The following SLCO3A1 variants were observed in gnomAD, a reference collection of about 807,000 sequenced individuals.
SLCO3A1 encodes PGE1 transporter.
Under a neutral mutation model 63.1 loss-of-function variants are expected in SLCO3A1, and 27 were observed. The observed-to-expected ratio is 0.43, with a 90% CI of 0.32 to 0.59. The LOEUF (loss-of-function observed/expected upper bound fraction) is 0.59. Ranked by LOEUF, SLCO3A1 falls within the 20% of genes least tolerant of loss-of-function variation. The probability of loss-of-function intolerance (pLI) is 0.09; values close to 1 mark genes in which losing one functional copy is unlikely to be tolerated. For synonymous variants in SLCO3A1, 473 were observed against 409.9 expected (o/e 1.15, Z -1.86); for missense variants, 773 against 945.8 (o/e 0.82, Z 2.40).
At chr15:92,063,409 A>G (rs1287032508) in intron 2 of SLCO3A1, among the ~76,000 whole-genome samples, 1 of 152,166 alleles carries the variant, frequency 6.6e-6, no homozygotes, top group African/African-American at 2.4e-5. Context: ...CCTGTTAGCC[A>G]AGTGACCTGG....
At position 92,126,070 on chromosome 15, in the gene SLCO3A1, C is replaced by A. The variant is rs775241468; in HGVS notation, c.1184C>A (p.Ala395Glu). ...SSANQLLGMT[A>E]IPCACLGIFL... The stretch of plus-strand genomic sequence containing the variant: ...TCTATTTTCCTTCCAGGGATGACTG[C>A]GATCCCGTGTGCTTGTCTGGGTATC... Residue 395 changes from alanine to glutamate, a missense_variant, in exon 6 of 10, where the codon GCG (alanine) becomes GAG (glutamate). Around this residue, in one of 3 missense-constraint regions of SLCO3A1, gnomAD observed 565 missense variants for 749.8 expected, o/e 0.75. Coordinates refer to ENST00000318445, the MANE Select transcript of SLCO3A1 (RefSeq NM_013272.4). The A allele has an allele frequency of 6.2e-7, 1 of 1,613,714 alleles. No homozygotes were observed.
At chr15:92,154,504 G>A (rs924084003) in intron 9 of SLCO3A1, among the ~76,000 whole-genome samples, 2 of 152,202 alleles carry the variant, frequency 1.3e-5, no homozygotes, top group African/African-American at 2.4e-5. Context: ...GCCAGTGTCT[G>A]CCATACTGGA....
chr15:92,147,141 C>T lies in SLCO3A1; in HGVS notation c.1670C>T (p.Ser557Leu). The T allele has an allele frequency of 6.2e-7, 1 of 1,612,430 alleles. No homozygotes were observed. ...ATCGGTGCCATGGCACAGACACCCTCAGTCATCATCCTCATCAGGTAAGCC... is the reference window on the plus strand; with the variant it reads ...ATCGGTGCCATGGCACAGACACCCTTAGTCATCATCCTCATCAGGTAAGCC... ...SLIGAMAQTP[S>L]VIILIRTVSP... is the part of the protein sequence containing the mutation. Residue 557 changes from serine to leucine, a missense_variant, in exon 8 of 10, where the codon TCA becomes TTA. Coordinates refer to ENST00000318445, the MANE Select transcript of SLCO3A1 (RefSeq NM_013272.4).
chr15:92,089,381 C>A (rs1403093211), intron 2 of SLCO3A1, among the ~76,000 whole-genome samples: 1 of 152,144 alleles, frequency 6.6e-6, no homozygotes, highest in African/African-American at 2.4e-5. Context: ...GTGGAGGACT[C>A]GGTGCAGGGT....
At chr15:92,083,522 C>T (rs2047371221) in intron 2 of SLCO3A1, among the ~76,000 whole-genome samples, 1 of 152,226 alleles carries the variant, frequency 6.6e-6, no homozygotes, top group Non-Finnish European at 1.5e-5. Context: ...CTGGTCCTTG[C>T]AGTTCCGTTC....
chr15:92,072,285 C>T (rs182885125), intron 2 of SLCO3A1, among the ~76,000 whole-genome samples: 34 of 151,140 alleles, frequency 2.2e-4, no homozygotes, highest in Non-Finnish European at 2.9e-5. Flanking sequence ...CCATTATTTA[C>T]TCAACCTTTG....
intron 7 of SLCO3A1, among the ~76,000 whole-genome samples, chr15:92,139,278 T>C (rs1027798788): frequency 6.8e-6 from 1 of 146,312 alleles, no homozygotes; most frequent in Non-Finnish European, 1.5e-5. Context: ...TGGATTACAT[T>C]TATTGATTTG....
At chr15:92,052,100 C>T (rs192684977) in intron 2 of SLCO3A1, among the ~76,000 whole-genome samples, 39 of 152,242 alleles carry the variant, frequency 2.6e-4, no homozygotes, top group Admixed American at 2.2e-3. Flanking sequence ...CCCTGCTCAT[C>T]GCCATATCCC....
intron 4 of SLCO3A1, among the ~76,000 whole-genome samples, chr15:92,112,087 T>C (rs544125628): frequency 6.6e-6 from 1 of 152,222 alleles, no homozygotes; most frequent in South Asian, 2.1e-4. Context: ...GAGAGGGGAC[T>C]TGGAGATACT....
At chr15:92,039,689 A>T in intron 2 of SLCO3A1, among the ~76,000 whole-genome samples, 1 of 152,234 alleles carries the variant, frequency 6.6e-6, no homozygotes, top group East Asian at 1.9e-4. Flanking sequence ...CAGAAATACC[A>T]CATGACCCAG....
At chr15:92,062,643 A>G (rs1471841066) in intron 2 of SLCO3A1, among the ~76,000 whole-genome samples, 2 of 152,170 alleles carry the variant, frequency 1.3e-5, no homozygotes, top group Non-Finnish European at 2.9e-5. Flanking sequence ...GACACTGGCA[A>G]GCTGTTAGGG....
chr15:92,034,589 A>C (rs2046700136), intron 2 of SLCO3A1, among the ~76,000 whole-genome samples: 1 of 151,758 alleles, frequency 6.6e-6, no homozygotes, highest in Non-Finnish European at 1.5e-5. Flanking sequence ...GACCAGGGGA[A>C]GCATCCAGGG....
intron 2 of SLCO3A1, among the ~76,000 whole-genome samples, chr15:92,003,356 C>G (rs2046277503): frequency 6.6e-6 from 1 of 152,170 alleles, no homozygotes; most frequent in South Asian, 2.1e-4. Flanking sequence ...TTAGTGCTAA[C>G]AAATGTCTCG....
chr15:92,152,297 C>G (rs1273682961), intron 9 of SLCO3A1, among the ~76,000 whole-genome samples: 1 of 152,232 alleles, frequency 6.6e-6, no homozygotes, highest in South Asian at 2.1e-4. Flanking sequence ...TCTCTCCTCA[C>G]CTTCCTTCTC....
chr15:92,144,213 A>G (rs1236142485), intron 7 of SLCO3A1, among the ~76,000 whole-genome samples: 1 of 152,224 alleles, frequency 6.6e-6, no homozygotes, highest in Non-Finnish European at 1.5e-5. Context: ...AAGACAGATT[A>G]ACAGGAGGAA....
intron 2 of SLCO3A1, among the ~76,000 whole-genome samples, chr15:91,989,674 T>A (rs551542753): frequency 6.6e-6 from 1 of 152,380 alleles, no homozygotes; most frequent in African/African-American, 2.4e-5. Flanking sequence ...CATTTGGCTC[T>A]ACTTAGATTA....
chr15:91,989,145 C>G (rs1020043719), intron 2 of SLCO3A1, among the ~76,000 whole-genome samples: 9 of 152,172 alleles, frequency 5.9e-5, no homozygotes, highest in African/African-American at 2.2e-4. Context: ...TTCCACTGTG[C>G]CTTCGCATAA....
In SLCO3A1 at chr15:91,854,087, T is replaced by C; in HGVS notation, c.179T>C (p.Leu60Pro). ...MLAQGTVGAY[L>P]VSVLTTLERR... Reference sequence around the variant, plus strand: ...GCGCAGGGCACGGTGGGCGCCTACCTGGTGAGTCCCCGAGCCAACTCCGCC... The same window carrying C: ...GCGCAGGGCACGGTGGGCGCCTACCCGGTGAGTCCCCGAGCCAACTCCGCC... The change falls in exon 1 of 10, where the codon CTG becomes CCG. Residue 60 changes from leucine (L) to proline (P), a missense_variant and splice_region_variant. Physicochemically the swap from Leu to Pro is moderately conservative, Grantham distance 98. This residue lies in a region of SLCO3A1 where 565 missense variants were observed against 749.8 expected (regional missense o/e 0.75). Coordinates refer to ENST00000318445, the MANE Select transcript of SLCO3A1 (RefSeq NM_013272.4). The surrounding 1 kb of genome is among the most constrained non-coding windows in gnomAD (Gnocchi z 6.4). The C allele has an allele frequency of 6.6e-7, 1 of 1,514,400 alleles. No homozygotes were observed. Among genetic ancestry groups the C allele is most frequent in the Non-Finnish European group, 8.9e-7 (1 of 1,127,476 alleles). 93.8% of individuals were successfully genotyped at this position (1,514,400 alleles called of 1,614,324 possible).
chr15:91,984,952 A>AT (rs1387096596), intron 2 of SLCO3A1, among the ~76,000 whole-genome samples: 1 of 151,658 alleles, frequency 6.6e-6, no homozygotes, highest in Non-Finnish European at 1.5e-5. Context: ...TTTAAGTGAA[A>AT]TTTTTTCTTA....
Sources: gnomAD v4.1 joint callset for allele counts (sites outside exome capture counted in the v4.1 genomes callset) on GRCh38, gnomAD v4.1.1 for gene constraint, gnomAD v4.1.1 regional missense constraint, Gnocchi (gnomAD v3.1) non-coding constraint, MANE v1.5 for transcripts, NCBI Gene and HGNC (gene_info 2026-07-23, HGNC 2026-07-21) for gene names.